Variants in EIF4G3 observed in about 807,000 individuals in gnomAD.
EIF4G3 encodes the protein eukaryotic translation initiation factor 4 gamma 3, also known as eIF-4-gamma 3.
A neutral mutation model predicts 186.4 loss-of-function variants in EIF4G3; 34 were observed. That is an observed-to-expected ratio of 0.18 (90% CI 0.14 to 0.24). The LOEUF is 0.24. Ranked by LOEUF, EIF4G3 falls within the 10% of genes least tolerant of loss-of-function variation. The pLI is 1.00. For synonymous variants in EIF4G3, 673 were observed against 679.5 expected (o/e 0.99, Z 0.15); for missense variants, 1,536 against 1,948.5 (o/e 0.79, Z 3.99).
chr1:20,954,286 C>T (rs2096325862), intron 12 of EIF4G3, among the ~76,000 whole-genome samples: 1 of 151,956 alleles, frequency 6.6e-6, no homozygotes, highest in Non-Finnish European at 1.5e-5. Flanking sequence ...GCCTCTAATC[C>T]CAGCACTTTG....
chr1:20,961,094 A>G (rs1334796816), intron 12 of EIF4G3, among the ~76,000 whole-genome samples: 1 of 152,130 alleles, frequency 6.6e-6, no homozygotes, highest in African/African-American at 2.4e-5. Flanking sequence ...CTTAAAAATA[A>G]TTTTTATTGG....
chr1:21,042,544 A>T (rs1349121269), intron 4 of EIF4G3, among the ~76,000 whole-genome samples: 2 of 151,990 alleles, frequency 1.3e-5, no homozygotes, highest in Non-Finnish European at 2.9e-5. Context: ...TTTTAAGTAA[A>T]TTTTTTCATT....
intron 2 of EIF4G3, among the ~76,000 whole-genome samples, chr1:21,128,949 G>A (rs1185288676): frequency 6.6e-6 from 1 of 152,192 alleles, no homozygotes; most frequent in Non-Finnish European, 1.5e-5. Context: ...TTAGGGAGCT[G>A]AACTTGCAAG....
rs144575197 is a variant in EIF4G3 at position 20,904,888 on chromosome 1, A to G, written c.1747T>C (p.Leu583=). ...AACTTAAGAGATTTGCTTACCTCCA[A>G]TTCTGCCTCTAACATCTCTTCAGTG... ...RTTEEMLEAE[L]ELKAEEELSI... is the part of the protein sequence containing the mutation. Residue 583 remains leucine (L), a synonymous_variant, in exon 15 of 37, where the codon TTG becomes CTG. Transcript: ENST00000602326. 14 of 1,613,238 alleles carry G rather than the reference A, an allele frequency of 8.7e-6. No individual in the cohort carries two copies. The highest frequency in any genetic ancestry group is 2.2e-5 in the South Asian group (2 of 91,058).
intron 4 of EIF4G3, among the ~76,000 whole-genome samples, chr1:21,035,523 A>G (rs1390721386): frequency 2.6e-5 from 4 of 152,186 alleles, no homozygotes; most frequent in Admixed American, 6.5e-5. Flanking sequence ...CTGGTCTCCA[A>G]TTGGGGTTGG....
chr1:21,146,388 A>G (rs182270892), intron 2 of EIF4G3, among the ~76,000 whole-genome samples: 233 of 152,346 alleles, frequency 1.5e-3, no homozygotes, highest in Non-Finnish European at 2.5e-3. Context: ...CAGTAAATGA[A>G]GGGCAAACAT....
chr1:21,100,907 T>C (rs2096501555), intron 2 of EIF4G3, among the ~76,000 whole-genome samples: 1 of 152,276 alleles, frequency 6.6e-6, no homozygotes, highest in South Asian at 2.1e-4. Context: ...TCTTGCTTAA[T>C]GACTTCACAA....
At chr1:21,092,711 T>C (rs2096245430) in intron 2 of EIF4G3, among the ~76,000 whole-genome samples, 1 of 152,156 alleles carries the variant, frequency 6.6e-6, no homozygotes, top group African/African-American at 2.4e-5. Flanking sequence ...ACTACAAGGC[T>C]ATAGTAACCA....
Position 20,849,606 on chromosome 1 carries a change from A to C in EIF4G3, c.3773-76T>G. ...AAATAGTGAGATTATGGTTGACAAT[A>C]TTATGTGCTATTACATTATTTTAAT... is the stretch of plus-strand genomic sequence containing the variant. On this transcript the variant is annotated intron_variant, in intron 28 of 36. Coordinates refer to ENST00000602326, the MANE Select transcript of EIF4G3 (RefSeq NM_001391906.1). 6.8e-6 allele frequency: 4 copies of C among 585,532 alleles called. No homozygotes were observed. In the South Asian group the frequency reaches 1.2e-4, roughly 18 times the overall value. The allele number at this position is 585,532 out of a possible 1,614,324, so 36.3% of individuals were successfully genotyped here.
intron 33 of EIF4G3, among the ~76,000 whole-genome samples, chr1:20,819,303 TTC>T (rs1349716407): frequency 6.6e-6 from 1 of 151,456 alleles, no homozygotes; most frequent in African/African-American, 2.4e-5. Context: ...TGCCTTTTTT[TTC>T]TTTTAAACTG....
intron 14 of EIF4G3, chr1:20,941,135 C>CAAA: frequency 1.6e-6 from 2 of 1,276,586 alleles, no homozygotes; most frequent in Non-Finnish European, 2.1e-6. Flanking sequence ...GGACTATAGA[C>CAAA]CATCCTGGTT....
At chr1:20,982,055 C>A (rs1453963215) in intron 8 of EIF4G3, among the ~76,000 whole-genome samples, 5 of 152,150 alleles carry the variant, frequency 3.3e-5, no homozygotes, top group African/African-American at 1.2e-4. Context: ...ATTAAACCAT[C>A]TGTAGGGTTG....
At chr1:21,120,110 T>A (rs1310288011) in intron 2 of EIF4G3, among the ~76,000 whole-genome samples, 1 of 150,754 alleles carries the variant, frequency 6.6e-6, no homozygotes, top group Non-Finnish European at 1.5e-5. Flanking sequence ...CAAAGATCGT[T>A]TCTAGCATTT....
intron 29 of EIF4G3, among the ~76,000 whole-genome samples, chr1:20,848,664 T>C (rs1217813299): frequency 6.6e-6 from 1 of 152,188 alleles, no homozygotes; most frequent in Admixed American, 6.5e-5. Flanking sequence ...ACATTGCTTG[T>C]TTCTTTATGC....
intron 15 of EIF4G3, among the ~76,000 whole-genome samples, chr1:20,902,066 A>AT (rs764509538): frequency 0.015 from 2,088 of 143,486 alleles, 16 homozygotes; most frequent in Middle Eastern, 0.05. Context: ...CTAGGCTATA[A>AT]TTTTTTTTTT....
intron 2 of EIF4G3, among the ~76,000 whole-genome samples, chr1:21,113,412 A>G (rs1031555280): frequency 4.6e-5 from 7 of 151,986 alleles, no homozygotes; most frequent in African/African-American, 1.7e-4. Context: ...AGTCTGTGGA[A>G]AAAACCTGGT....
chr1:20,826,707 C>A (rs1012731877), intron 32 of EIF4G3, among the ~76,000 whole-genome samples: 1 of 151,782 alleles, frequency 6.6e-6, no homozygotes, highest in African/African-American at 2.4e-5. Context: ...CCAGGATGGT[C>A]TCGATCTCTT....
At chr1:21,034,382 C>T (rs1209666082) in intron 4 of EIF4G3, among the ~76,000 whole-genome samples, 1 of 152,140 alleles carries the variant, frequency 6.6e-6, no homozygotes, top group Non-Finnish European at 1.5e-5. Context: ...TTCTACATTA[C>T]GACCATCCAA....
chr1:20,863,744 G>A (rs2076935678), intron 22 of EIF4G3, among the ~76,000 whole-genome samples: 1 of 146,416 alleles, frequency 6.8e-6, no homozygotes, highest in Admixed American at 7.0e-5. Context: ...GTGCCCGGCT[G>A]ACCCTGTTAC....
Sources: allele counts gnomAD v4.1 joint callset (sites outside exome capture counted in the v4.1 genomes callset), GRCh38; gene constraint gnomAD v4.1.1; transcripts MANE v1.5; gene names NCBI Gene and HGNC (gene_info 2026-07-23, HGNC 2026-07-21).